Variants in SEMA6D observed in about 807,000 individuals in gnomAD.
SEMA6D encodes semaphorin 6D.
Under a neutral mutation model 106.6 loss-of-function variants are expected in SEMA6D, and 35 were observed. The observed-to-expected ratio is 0.33, with a 90% CI of 0.25 to 0.44. SEMA6D has a LOEUF of 0.44. SEMA6D is among the 20% of genes least tolerant of loss of function. The pLI is 1.00. For missense variants in SEMA6D, 1,185 were observed against 1,345.9 expected, an observed-to-expected ratio of 0.88 and a Z score of 1.87; for synonymous variants, 499 against 487.7, an observed-to-expected ratio of 1.02 and a Z score of -0.31.
intron 1 of SEMA6D, among the ~76,000 whole-genome samples, chr15:47,350,555 G>A (rs939727297): frequency 6.6e-6 from 1 of 152,122 alleles, no homozygotes; most frequent in African/African-American, 2.4e-5. Flanking sequence ...ATATACCTGG[G>A]CTTTCCACTT....
At chr15:47,605,551 A>G (rs2076761770) in intron 4 of SEMA6D, among the ~76,000 whole-genome samples, 1 of 63,228 alleles carries the variant, frequency 1.6e-5, no homozygotes, top group Admixed American at 2.0e-4. Flanking sequence ...TCAGATGCCA[A>G]CTGCAGATGG....
chr15:47,660,564 G>A lies in SEMA6D; in HGVS notation c.-55+59668G>A, dbSNP rs549041286. Among the ~76,000 whole-genome samples, 4 of 152,248 alleles carry A rather than the reference G, an allele frequency of 2.6e-5. No homozygotes were observed. In the East Asian group the frequency reaches 7.7e-4, roughly 29 times the overall value. ...TGCCTATTTCTGGATAGATAAACAA[G>A]TAACTATTAACAGAATTTGCTCTAG... On this transcript the variant is annotated intron_variant, in intron 4 of 19. Transcript: ENST00000558014.
At position 47,763,865 on chromosome 15, in the gene SEMA6D, G is replaced by T. The variant is rs369660405; in HGVS notation, c.763G>T (p.Val255Leu). The T allele has an allele frequency of 6.2e-7, 1 of 1,613,006 alleles. No individual in the cohort carries two copies. The highest frequency in any genetic ancestry group is 2.2e-5 in the East Asian group (1 of 44,870). The change falls in exon 10 of 19, where the codon GTG (valine) becomes TTG (leucine). Residue 255 changes from valine to leucine, a missense_variant. Physicochemically the swap from Val to Leu is conservative, Grantham distance 32 (BLOSUM62 1). This residue lies in a region of SEMA6D where 291 missense variants were observed against 423.8 expected (regional missense o/e 0.69). Coordinates refer to ENST00000536845, the MANE Select transcript of SEMA6D (RefSeq NM_001358351.3). ...CGTTGGGCAGGCTGTGTATTCCCGC[G>T]TGGCCCGCATATGTAAAAACGACAT... Reference protein sequence around the residue: ...NNLGKAVYSRVARICKNDMGG... With the variant: ...NNLGKAVYSRLARICKNDMGG...
rs2082619075 is a variant in SEMA6D, at chr15:47,771,373, C to G, written c.2810C>G (p.Pro937Arg). 3 of 1,614,032 alleles carry G rather than the reference C, an allele frequency of 1.9e-6. No individual in the cohort carries two copies. In the East Asian group the frequency reaches 6.7e-5, roughly 36 times the overall value. Residue 937 changes from proline (P) to arginine (R), a missense_variant, in exon 19 of 19, where the codon CCC becomes CGC. Physicochemically the swap from Pro to Arg is moderately radical, Grantham distance 103 (BLOSUM62 -2). Around this residue, in one of 3 missense-constraint regions of SEMA6D, gnomAD observed 750 missense variants for 783.5 expected, o/e 0.96. Coordinates refer to ENST00000536845, the MANE Select transcript of SEMA6D (RefSeq NM_001358351.3). ...ASLYSPPSTL[P>R]RNSPTKRVDV... ...CTATACTCCCCTCCTTCAACTCTCC[C>G]CAGAAATAGCCCAACCAAGCGAGTG... is the stretch of plus-strand genomic sequence containing the variant.
At chr15:47,527,474 A>AT (rs1383824476) in intron 3 of SEMA6D, among the ~76,000 whole-genome samples, 1 of 148,098 alleles carries the variant, frequency 6.8e-6, no homozygotes, top group Non-Finnish European at 1.5e-5. Context: ...CCTTTCAAAG[A>AT]TTTTCTGTGA....
rs2040195871 is a variant in SEMA6D, at chr15:47,395,821, A to G, written c.-238-16572A>G. The G allele has an allele frequency of 2.0e-5, 3 of 152,224 alleles. No individual in the cohort carries two copies. The South Asian group carries it at 6.2e-4, about 32-fold the overall frequency. 9.4% of individuals were successfully genotyped at this position (152,224 alleles called of 1,614,324 possible). A position where few individuals can be genotyped will look rare whatever the true frequency, so the allele number is the denominator to read the frequency against. ...GCACAGTGTAAGGGTCACTTCACCT[A>G]CATCTCATTTGTACAATATTCATAT... On this transcript the variant is annotated intron_variant, in intron 1 of 19. Transcript: ENST00000558014.
intron 2 of SEMA6D, among the ~76,000 whole-genome samples, chr15:47,440,731 T>G (rs1356699925): frequency 6.6e-6 from 1 of 152,058 alleles, no homozygotes; most frequent in Non-Finnish European, 1.5e-5. Flanking sequence ...GGATTTTGTG[T>G]TGGTCAATAA....
intron 1 of SEMA6D, among the ~76,000 whole-genome samples, chr15:47,320,241 T>C (rs1011425336): frequency 1.3e-4 from 20 of 152,156 alleles, no homozygotes; most frequent in African/African-American, 4.3e-4. Context: ...GCTTATCATA[T>C]CCAAGGAGAC....
chr15:47,765,922 A>C lies in SEMA6D; in HGVS notation c.1481A>C (p.Lys494Thr). 1.3e-6 allele frequency: 2 copies of C among 1,567,244 alleles called. No homozygotes were observed. The highest frequency in any genetic ancestry group is 1.7e-6 in the Non-Finnish European group (2 of 1,158,720). The change falls in exon 14 of 19, where the codon AAA becomes ACA. Residue 494 changes from lysine (K) to threonine (T), a missense_variant. Coordinates refer to ENST00000536845, the MANE Select transcript of SEMA6D (RefSeq NM_001358351.3). ...AAGGTCATCTCATTACAGTTGGATA[A>C]AGATCACCACGCTTTATATGTGGCG... ...DKKVISLQLDKDHHALYVAFS... is the reference protein window; with the variant it reads ...DKKVISLQLDTDHHALYVAFS...
chr15:47,717,867 T>C (rs1282584028), intron 1 of SEMA6D, among the ~76,000 whole-genome samples, 175 bp downstream of exon 1: 6 of 124,256 alleles, frequency 4.8e-5, no homozygotes, highest in Non-Finnish European at 1.1e-4. Context: ...TGTGTGTGTG[T>C]GTGTGTGTGT....
chr15:47,475,299 A>G lies in SEMA6D; in HGVS notation c.-87+4754A>G, dbSNP rs191742646. 1.3e-3 allele frequency among the ~76,000 whole-genome samples: 197 copies of G among 152,344 alleles called. 3 individuals are homozygous for G. In the South Asian group the frequency reaches 0.022, roughly 17 times the overall value. ...ACATTTATAATTTTATTGATGTTGC[A>G]TAACAACTCTATAAAGTATCATCCC... On this transcript the variant is annotated intron_variant, in intron 3 of 19. Coordinates refer to the SEMA6D transcript ENST00000558014.
At chr15:47,438,021 G>A (rs2041774466) in intron 2 of SEMA6D, among the ~76,000 whole-genome samples, 1 of 152,040 alleles carries the variant, frequency 6.6e-6, no homozygotes, top group African/African-American at 2.4e-5. Flanking sequence ...ACCAGATTTG[G>A]TTGTGTGACT....
chr15:47,334,008 C>G (rs812519), intron 1 of SEMA6D, among the ~76,000 whole-genome samples: 48,437 of 151,746 alleles, frequency 0.32, 9,265 homozygotes, highest in East Asian at 0.55. Flanking sequence ...CCAGAGAGGC[C>G]AAGAAAGATC....
intron 1 of SEMA6D, among the ~76,000 whole-genome samples, chr15:47,348,725 CACAGAGAGAGAGAG>C (rs1283227120): frequency 4.2e-5 from 2 of 47,758 alleles, no homozygotes; most frequent in African/African-American, 9.3e-5. Context: ...ACACCACACA[CACAGAGAGAGAGAG>C]AGAGAGAGAG....
chr15:47,627,647 A>G (rs1303544080), intron 4 of SEMA6D, among the ~76,000 whole-genome samples: 1 of 152,144 alleles, frequency 6.6e-6, no homozygotes, highest in Non-Finnish European at 1.5e-5. Context: ...TTTCAAGACA[A>G]TTGTAGATTG....
rs752794084 is a variant in SEMA6D at position 47,770,978 on chromosome 15, C to A, written c.2415C>A (p.Thr805=). The change falls in exon 19 of 19, where the codon ACC becomes ACA. Residue 805 remains threonine, a synonymous_variant. Coordinates refer to ENST00000536845, the MANE Select transcript of SEMA6D (RefSeq NM_001358351.3). Reference sequence around the variant, plus strand: ...GCCATGGAGCTTCAAGGAAAGAAACCCCTCAGTTTTTTCCGTCTAGTCCGC... The same window carrying A: ...GCCATGGAGCTTCAAGGAAAGAAACACCTCAGTTTTTTCCGTCTAGTCCGC... ...AHGHGASRKE[T]PQFFPSSPPP... The A allele has an allele frequency of 5.6e-6, 9 of 1,613,886 alleles. No homozygotes were observed. In the African/African-American group the frequency reaches 9.3e-5, roughly 17 times the overall value.
At chr15:47,207,991 GCGCACACACACA>G (rs545101893) in intron 1 of SEMA6D, among the ~76,000 whole-genome samples, 13,420 of 122,828 alleles carry the variant, frequency 0.11, 1,050 homozygotes, top group Non-Finnish European at 0.13. Context: ...ACTGGCGCGC[GCGCACACACACA>G]CACACACACA....
At chr15:47,567,015 C>T (rs2046249937) in intron 3 of SEMA6D, among the ~76,000 whole-genome samples, 1 of 152,174 alleles carries the variant, frequency 6.6e-6, no homozygotes. Context: ...AAAAAGAGGT[C>T]ATTTTTGGAA....
intron 4 of SEMA6D, among the ~76,000 whole-genome samples, chr15:47,662,082 T>C (rs1399845557): frequency 6.6e-6 from 1 of 152,140 alleles, no homozygotes. Flanking sequence ...GAGCTGTATG[T>C]TAGAGTGTAT....
Sources: allele counts gnomAD v4.1 joint callset (sites outside exome capture counted in the v4.1 genomes callset), GRCh38; gene constraint gnomAD v4.1.1; regional missense constraint gnomAD v4.1.1; transcripts MANE v1.5; gene names NCBI Gene and HGNC (gene_info 2026-07-23, HGNC 2026-07-21).